SH3RF1: variants seen among roughly 807,000 people sequenced by gnomAD.
SH3RF1 encodes the protein E3 ubiquitin-protein ligase SH3RF1.
A neutral mutation model predicts 74.0 loss-of-function variants in SH3RF1; 32 were observed. That is an observed-to-expected ratio of 0.43 (90% CI 0.33 to 0.58). SH3RF1 has a LOEUF of 0.58. SH3RF1 is among the 20% of genes least tolerant of loss of function. SH3RF1 has a pLI of 0.05. For missense variants in SH3RF1, 954 were observed against 1,130.9 expected, an observed-to-expected ratio of 0.84 and a Z score of 2.24; for synonymous variants, 396 against 439.6, an observed-to-expected ratio of 0.90 and a Z score of 1.24.
At position 169,125,296 on chromosome 4, in the gene SH3RF1, T is replaced by C. The variant is rs560372752; in HGVS notation, c.1180-3030A>G. On this transcript the variant is annotated intron_variant, in intron 6 of 11. Transcript: ENST00000284637. The stretch of plus-strand genomic sequence containing the variant: ...AGTGAGCACCCAGGGAAGAAGTGTC[T>C]TCTCTCTGAGTGGGCAGCATTTCAG... 3.3e-5 allele frequency among the ~76,000 whole-genome samples: 5 copies of C among 152,320 alleles called. No individual in the cohort carries two copies. The South Asian group carries it at 1.0e-3, about 32-fold the overall frequency.
intron 4 of SH3RF1, among the ~76,000 whole-genome samples, chr4:169,145,197 G>C (rs531115228): frequency 6.8e-4 from 103 of 152,158 alleles, no homozygotes; most frequent in African/African-American, 2.3e-3. Flanking sequence ...GTCCATCAAC[G>C]GTCTACTGGA....
intron 2 of SH3RF1, among the ~76,000 whole-genome samples, chr4:169,222,437 C>A (rs989757647): frequency 5.3e-5 from 8 of 151,512 alleles, no homozygotes; most frequent in Admixed American, 1.3e-4. Flanking sequence ...TACACTCCAG[C>A]CTGGGTGACA....
At chr4:169,142,116 C>G (rs1369557952) in intron 4 of SH3RF1, among the ~76,000 whole-genome samples, 1 of 152,024 alleles carries the variant, frequency 6.6e-6, no homozygotes, top group African/African-American at 2.4e-5. Flanking sequence ...CTGCACCTGG[C>G]CTTAATTTGC....
intron 11 of SH3RF1, among the ~76,000 whole-genome samples, chr4:169,104,091 G>A (rs111777989): frequency 3.9e-5 from 6 of 152,290 alleles, no homozygotes; most frequent in South Asian, 2.1e-4. Context: ...GGAAGGGACC[G>A]GAATGCAGAA....
chr4:169,235,011 C>G (rs1261624555), intron 2 of SH3RF1, among the ~76,000 whole-genome samples: 1 of 152,128 alleles, frequency 6.6e-6, no homozygotes, highest in Non-Finnish European at 1.5e-5. Flanking sequence ...TTGAGAATCA[C>G]TGTTTTAGAG....
At chr4:169,160,903 T>C (rs1038230895) in intron 2 of SH3RF1, among the ~76,000 whole-genome samples, 4 of 152,236 alleles carry the variant, frequency 2.6e-5, no homozygotes, top group African/African-American at 9.6e-5. Flanking sequence ...CTAGGACTAC[T>C]CTGTGGATAA....
chr4:169,105,544 G>A (rs1733118193), intron 11 of SH3RF1, among the ~76,000 whole-genome samples: 1 of 152,230 alleles, frequency 6.6e-6, no homozygotes. Context: ...TTGGTCAGGA[G>A]GAGAGTCAGA....
intron 2 of SH3RF1, among the ~76,000 whole-genome samples, chr4:169,263,369 C>G (rs1731309733): frequency 6.6e-6 from 1 of 152,156 alleles, no homozygotes; most frequent in Non-Finnish European, 1.5e-5. Context: ...GTTACCTCCC[C>G]CAAATGTAAA....
chr4:169,227,026 C>T (rs2706726), intron 2 of SH3RF1, among the ~76,000 whole-genome samples: 71,274 of 151,670 alleles, frequency 0.47, 18,040 homozygotes, highest in East Asian at 0.78. Context: ...ACTAGCCAGG[C>T]GTCGGGGCAC....
intron 2 of SH3RF1, among the ~76,000 whole-genome samples, chr4:169,178,375 T>A (rs543151265): frequency 3.0e-5 from 2 of 66,258 alleles, no homozygotes; most frequent in East Asian, 5.9e-4. Flanking sequence ...AGCATTGTTA[T>A]GTTTTGAGGC....
Position 169,136,513 on chromosome 4 carries a change from C to T in SH3RF1, c.873G>A (p.Lys291=), listed in dbSNP as rs1162426767. The change falls in exon 5 of 12, where the codon AAG becomes AAA. Residue 291 remains lysine, a synonymous_variant. Transcript: ENST00000284637. ...TGGTGTTCTTCTTGGTGTCGGAGTG[C>T]TTTGGGGCAGTGCTGCTCTGGGCTG... ...SAAAQSSTAP[K]HSDTKKNTKK... 2 of 1,613,732 alleles carry T rather than the reference C, an allele frequency of 1.2e-6. No homozygotes were observed. Among genetic ancestry groups the T allele is most frequent in the Admixed American group, 1.7e-5 (1 of 59,956 alleles).
In SH3RF1 at chr4:169,193,689, G is replaced by A. The variant is rs149903538; in HGVS notation, c.394-37010C>T. On this transcript the variant is annotated intron_variant, in intron 2 of 11. Coordinates refer to ENST00000284637, the MANE Select transcript of SH3RF1 (RefSeq NM_020870.4). ...ATCACTCACTATGTATAATAAGGAG[G>A]TAAGGTCTCACCACATAGCTCTGCC... is the stretch of plus-strand genomic sequence containing the variant. Among the ~76,000 whole-genome samples, 8 of 152,272 alleles carry A rather than the reference G, an allele frequency of 5.3e-5. No homozygotes were observed. The South Asian group carries it at 1.7e-3, about 32-fold the overall frequency.
chr4:169,184,676 T>C (rs2126981076), intron 2 of SH3RF1, among the ~76,000 whole-genome samples: 1 of 152,338 alleles, frequency 6.6e-6, no homozygotes, highest in East Asian at 1.9e-4. Context: ...AAAAGATTCC[T>C]GACTTCCTAA....
chr4:169,211,669 T>C, intron 2 of SH3RF1, among the ~76,000 whole-genome samples: 1 of 151,156 alleles, frequency 6.6e-6, no homozygotes, highest in East Asian at 1.9e-4. Flanking sequence ...TTTTTCATAA[T>C]TAAAAGGGGG....
chr4:169,145,770 ATAT>A (rs201034830), intron 4 of SH3RF1, among the ~76,000 whole-genome samples: 287 of 128,286 alleles, frequency 2.2e-3, no homozygotes, highest in African/African-American at 6.1e-3. Context: ...AATATATAAA[ATAT>A]TATATATTCT....
rs145371295 is a variant in SH3RF1, at chr4:169,107,673, A to T, written c.2140-468T>A. Reference sequence around the variant, plus strand: ...CTATCCTATCTCTAATTACTGTAAGAGAGCTGACTATGCAGAATTAAATGT... The same window carrying T: ...CTATCCTATCTCTAATTACTGTAAGTGAGCTGACTATGCAGAATTAAATGT... On this transcript the variant is annotated intron_variant, in intron 10 of 11. Transcript: ENST00000284637. Among the ~76,000 whole-genome samples the T allele has an allele frequency of 2.3e-4, 35 of 152,350 alleles. No homozygotes were observed. In the South Asian group the frequency reaches 3.1e-3, roughly 14 times the overall value.
At chr4:169,248,808 T>C (rs1358547825) in intron 2 of SH3RF1, among the ~76,000 whole-genome samples, 2 of 152,228 alleles carry the variant, frequency 1.3e-5, no homozygotes, top group African/African-American at 4.8e-5. Context: ...AGTGCACTGC[T>C]TACTTTCAGT....
In SH3RF1 at chr4:169,136,624, C is replaced by A; in HGVS notation, c.766-4G>T. 2.0e-6 allele frequency: 3 copies of A among 1,489,976 alleles called. No homozygotes were observed. The highest frequency in any genetic ancestry group is 1.8e-4 in the Middle Eastern group (1 of 5,500). The allele number at this position is 1,489,976 out of a possible 1,614,324, so 92.3% of individuals were successfully genotyped here. ...GCTGCTTAGCAGCCGAGTTAAACTG[C>A]AAAAGCAACCAACAAACCAACACAA... On this transcript the variant is annotated splice_region_variant and splice_polypyrimidine_tract_variant and intron_variant, in intron 4 of 11. Coordinates refer to ENST00000284637, the MANE Select transcript of SH3RF1 (RefSeq NM_020870.4).
chr4:169,238,185 C>G (rs1436295620), intron 2 of SH3RF1, among the ~76,000 whole-genome samples: 2 of 152,226 alleles, frequency 1.3e-5, no homozygotes, highest in African/African-American at 2.4e-5. Context: ...CTTACCATCT[C>G]AACCAGCATC....
Sources: gnomAD v4.1 joint callset for allele counts (sites outside exome capture counted in the v4.1 genomes callset) on GRCh38, gnomAD v4.1.1 for gene constraint, MANE v1.5 for transcripts, NCBI Gene and HGNC (gene_info 2026-07-23, HGNC 2026-07-21) for gene names.